The following ARB2A variants were observed in gnomAD, a reference collection of about 807,000 sequenced individuals.
ARB2A encodes the protein cotranscriptional regulator ARB2A.
the ARB2A span, among the ~76,000 whole-genome samples, chr5:93,867,867 T>C: frequency 6.6e-5 from 10 of 152,166 alleles, no homozygotes; most frequent in Admixed American, 4.6e-4. Flanking sequence ...AAAAAACCTA[T>C]TGTTTTCTTC....
the ARB2A span, among the ~76,000 whole-genome samples, chr5:94,001,652 C>CT: frequency 1.3e-5 from 2 of 151,884 alleles, no homozygotes; most frequent in South Asian, 2.1e-4. Context: ...TGATTTCTAA[C>CT]TTTTTTTTGT....
the ARB2A span, among the ~76,000 whole-genome samples, chr5:93,941,184 T>G: frequency 1.3e-5 from 2 of 152,102 alleles, no homozygotes; most frequent in South Asian, 4.1e-4. Context: ...GCATTGATTA[T>G]AACTGCAGGA....
the ARB2A span, among the ~76,000 whole-genome samples, chr5:93,841,471 T>C: frequency 3.3e-5 from 5 of 152,156 alleles, no homozygotes; most frequent in Admixed American, 3.3e-4. Flanking sequence ...TTTATATAAG[T>C]GACTTGAGCA....
chr5:93,937,094 C>T, the ARB2A span, among the ~76,000 whole-genome samples: 26 of 151,726 alleles, frequency 1.7e-4, no homozygotes, highest in Admixed American at 5.2e-4. Flanking sequence ...AGGATGGTCT[C>T]GATCTCCTGA....
the ARB2A span, among the ~76,000 whole-genome samples, chr5:93,959,964 G>A: frequency 6.6e-6 from 1 of 151,668 alleles, no homozygotes; most frequent in Non-Finnish European, 1.5e-5. Flanking sequence ...TCTGGTGGCT[G>A]GTACTCTTAC....
chr5:93,901,991 C>A, the ARB2A span, among the ~76,000 whole-genome samples: 1 of 151,856 alleles, frequency 6.6e-6, no homozygotes, highest in African/African-American at 2.4e-5. Flanking sequence ...GAACCTAGAA[C>A]ATATCTAGAA....
At chr5:93,915,773 A>C in the ARB2A span, among the ~76,000 whole-genome samples, 1 of 152,020 alleles carries the variant, frequency 6.6e-6, no homozygotes. Flanking sequence ...TAGGTTTGCC[A>C]AGTATGGACT....
chr5:93,709,643 A>C, the ARB2A span, among the ~76,000 whole-genome samples: 8 of 149,556 alleles, frequency 5.3e-5, no homozygotes, highest in East Asian at 1.9e-4. Flanking sequence ...AAAAAAAAAA[A>C]AAAAAAAAAA....
chr5:94,035,609 C>T, the ARB2A span, among the ~76,000 whole-genome samples: 9 of 152,058 alleles, frequency 5.9e-5, no homozygotes, highest in South Asian at 1.9e-3. Flanking sequence ...AACCCAACTG[C>T]CCATCAATGT....
chr5:93,849,774 A>G, the ARB2A span, among the ~76,000 whole-genome samples: 1 of 152,140 alleles, frequency 6.6e-6, no homozygotes. Context: ...TTATTTAGCT[A>G]TTTTAAAATT....
the ARB2A span, among the ~76,000 whole-genome samples, chr5:93,814,479 A>T: frequency 6.6e-6 from 1 of 152,206 alleles, no homozygotes; most frequent in Non-Finnish European, 1.5e-5. Flanking sequence ...TGTATTACAT[A>T]GCTATTATTT....
At chr5:93,948,007 C>T in the ARB2A span, among the ~76,000 whole-genome samples, 3 of 152,066 alleles carry the variant, frequency 2.0e-5, no homozygotes, top group Non-Finnish European at 2.9e-5. Flanking sequence ...GCATGATTTA[C>T]AGTCCTTTGG....
the ARB2A span, among the ~76,000 whole-genome samples, chr5:94,081,910 T>C: frequency 1.1e-4 from 16 of 152,116 alleles, no homozygotes; most frequent in Non-Finnish European, 2.4e-4. Flanking sequence ...CCTTTCCCTT[T>C]ACGTTCTATA....
the ARB2A span, among the ~76,000 whole-genome samples, chr5:93,934,665 C>G: frequency 2.0e-5 from 3 of 152,134 alleles, no homozygotes; most frequent in Non-Finnish European, 4.4e-5. Flanking sequence ...GTAAAGACAG[C>G]CCCTCTTTTA....
the ARB2A span, among the ~76,000 whole-genome samples, chr5:93,927,902 C>T: frequency 1.3e-5 from 2 of 151,868 alleles, no homozygotes; most frequent in African/African-American, 4.8e-5. Flanking sequence ...TATCAAATAT[C>T]CAAATAAGGG....
the ARB2A span, among the ~76,000 whole-genome samples, chr5:93,656,193 T>C: frequency 6.6e-6 from 1 of 152,192 alleles, no homozygotes; most frequent in Non-Finnish European, 1.5e-5. Context: ...CTGAGATAAG[T>C]AGTTAACTTC....
At chr5:94,102,341 T>C in the ARB2A span, among the ~76,000 whole-genome samples, 3 of 152,068 alleles carry the variant, frequency 2.0e-5, no homozygotes. Flanking sequence ...CAAACTGATC[T>C]GATAGAGATG....
chr5:94,058,488 T>A, the ARB2A span, among the ~76,000 whole-genome samples: 29 of 152,056 alleles, frequency 1.9e-4, no homozygotes, highest in Middle Eastern at 0.014. Context: ...TTGAAAAAAA[T>A]GTTTAATCAT....
At chr5:93,706,736 C>G in the ARB2A span, among the ~76,000 whole-genome samples, 1 of 152,008 alleles carries the variant, frequency 6.6e-6, no homozygotes, top group Non-Finnish European at 1.5e-5. Context: ...CGTGGTGGCT[C>G]ATGCCTACAG....
Sources: allele counts gnomAD v4.1 joint callset (sites outside exome capture counted in the v4.1 genomes callset), GRCh38; gene constraint gnomAD v4.1.1; transcripts MANE v1.5; gene names NCBI Gene and HGNC (gene_info 2026-07-23, HGNC 2026-07-21).